Variants in NRG2 observed in about 807,000 individuals in gnomAD.
NRG2 encodes pro-neuregulin-2, membrane-bound isoform.
NRG2 carries 27 observed loss-of-function variants against 73.9 expected under a neutral mutation model. The observed-to-expected ratio is 0.37, with a 90% CI of 0.27 to 0.50. The LOEUF is 0.50. Among genes scored for constraint, NRG2 ranks in the 20% least tolerant of loss-of-function variants. The pLI, the probability that NRG2 is intolerant of heterozygous loss-of-function variation, is 0.96. For missense variants in NRG2, 1,126 were observed against 1,210.1 expected, an observed-to-expected ratio of 0.93 and a Z score of 1.03; for synonymous variants, 532 against 541.0, an observed-to-expected ratio of 0.98 and a Z score of 0.23.
chr5:139,992,147 T>A (rs1757683790), intron 1 of NRG2, among the ~76,000 whole-genome samples: 1 of 152,238 alleles, frequency 6.6e-6, no homozygotes, highest in Admixed American at 6.5e-5. Context: ...ATTTATTAAG[T>A]ACTCCCTTAA....
At chr5:139,914,184 G>C (rs1398567316) in intron 1 of NRG2, among the ~76,000 whole-genome samples, 3 of 152,120 alleles carry the variant, frequency 2.0e-5, no homozygotes, top group Admixed American at 6.5e-5. Flanking sequence ...AAATGACCTG[G>C]GGTGGTCTGT....
intron 6 of NRG2, 108 bp downstream of exon 6, chr5:139,855,568 G>T: frequency 2.2e-6 from 2 of 927,236 alleles, no homozygotes; most frequent in East Asian, 2.4e-5. Context: ...GGCCTAGGAG[G>T]GTATAGAGGG....
intron 4 of NRG2, 140 bp downstream of exon 4, chr5:139,871,581 T>C (rs1243871692): frequency 9.3e-7 from 1 of 1,076,596 alleles, no homozygotes; most frequent in Non-Finnish European, 1.3e-6. Flanking sequence ...GGCTAGGAAG[T>C]AGGGCAAAGC....
At chr5:139,950,571 G>T (rs1451928681) in intron 1 of NRG2, among the ~76,000 whole-genome samples, 1 of 152,180 alleles carries the variant, frequency 6.6e-6, no homozygotes, top group African/African-American at 2.4e-5. Context: ...GGTGGCTTTG[G>T]ACATCCCCAA....
intron 4 of NRG2, among the ~76,000 whole-genome samples, chr5:139,866,776 C>T (rs568094902): frequency 2.6e-5 from 4 of 152,340 alleles, no homozygotes; most frequent in African/African-American, 7.2e-5. Context: ...ACAGGGTACA[C>T]GTTCTTCTGC....
chr5:139,969,599 C>T (rs145668892), intron 1 of NRG2, among the ~76,000 whole-genome samples: 1 of 152,334 alleles, frequency 6.6e-6, no homozygotes, highest in Non-Finnish European at 1.5e-5. Flanking sequence ...GCCACACCAG[C>T]TTATCCCTGT....
At chr5:140,031,711 T>C (rs192114915) in intron 1 of NRG2, among the ~76,000 whole-genome samples, 168 of 152,184 alleles carry the variant, frequency 1.1e-3, no homozygotes, top group African/African-American at 3.9e-3. Context: ...GGGCAGTGCT[T>C]AAGAAATCTA....
At chr5:139,923,457 A>G (rs1751829363) in intron 1 of NRG2, among the ~76,000 whole-genome samples, 1 of 152,164 alleles carries the variant, frequency 6.6e-6, no homozygotes, top group Non-Finnish European at 1.5e-5. Context: ...GGACTTGCTA[A>G]GAAACCCTGG....
At chr5:139,866,764 CCACAGGGTA>C (rs1345742998) in intron 4 of NRG2, among the ~76,000 whole-genome samples, 3 of 152,194 alleles carry the variant, frequency 2.0e-5, no homozygotes, top group Non-Finnish European at 4.4e-5. Context: ...TTGTCTCTAC[CCACAGGGTA>C]CACGTTCTTC....
chr5:139,873,470 C>G (rs1762987647), intron 3 of NRG2, among the ~76,000 whole-genome samples: 1 of 152,266 alleles, frequency 6.6e-6, no homozygotes, highest in African/African-American at 2.4e-5. Context: ...TCATTTACAT[C>G]ACACAGGAGA....
At chr5:139,942,997 C>T (rs965179575) in intron 1 of NRG2, among the ~76,000 whole-genome samples, 4 of 152,264 alleles carry the variant, frequency 2.6e-5, no homozygotes, top group Non-Finnish European at 4.4e-5. Flanking sequence ...CATGTCACCA[C>T]GCCTGGCTAG....
intron 3 of NRG2, among the ~76,000 whole-genome samples, chr5:139,872,926 A>T (rs919988297): frequency 6.6e-6 from 1 of 151,882 alleles, no homozygotes; most frequent in Admixed American, 6.6e-5. Context: ...TCTCGTTCCC[A>T]CCCAGCCCAG....
At chr5:139,960,459 G>A (rs762767519) in intron 1 of NRG2, among the ~76,000 whole-genome samples, 14 of 152,212 alleles carry the variant, frequency 9.2e-5, no homozygotes, top group Non-Finnish European at 1.8e-4. Context: ...AGGCTGCAGT[G>A]AGCCAAGGTT....
In NRG2 at chr5:139,890,695, A is replaced by G. The variant is rs557580880; in HGVS notation, c.701-3184T>C. On this transcript the variant is annotated intron_variant, in intron 1 of 9. Coordinates refer to ENST00000361474, the MANE Select transcript of NRG2 (RefSeq NM_004883.3). ...ATCGGAATCACATGGGAAGCTTTAC[A>G]AGTCAGGTACCTGGGACATATCCTA... Among the ~76,000 whole-genome samples the G allele has an allele frequency of 2.6e-5, 4 of 151,972 alleles. No homozygotes were observed. The South Asian group carries it at 8.3e-4, about 32-fold the overall frequency.
intron 1 of NRG2, among the ~76,000 whole-genome samples, chr5:139,924,777 C>T (rs141743903): frequency 1.0e-3 from 152 of 152,304 alleles, no homozygotes; most frequent in African/African-American, 3.4e-3. Flanking sequence ...GGCACAGGCT[C>T]CCTCAGCCGC....
intron 3 of NRG2, among the ~76,000 whole-genome samples, chr5:139,872,109 G>T (rs913135335): frequency 1.3e-5 from 2 of 152,218 alleles, no homozygotes; most frequent in African/African-American, 4.8e-5. Context: ...TTTGTGGGGG[G>T]AGCAGGGTGA....
intron 1 of NRG2, among the ~76,000 whole-genome samples, chr5:139,930,857 T>A (rs564760480): frequency 2.0e-5 from 3 of 152,216 alleles, no homozygotes; most frequent in Non-Finnish European, 2.9e-5. Context: ...GCAGGGAACA[T>A]TGGGCCACCA....
At position 139,848,137 on chromosome 5, in the gene NRG2, T is replaced by TCCGACGCCGAGGCTGAGCCGCCGC. The variant is rs1287059505; in HGVS notation, c.2309_2332dup (p.Gly770_Ser777dup). On this transcript the variant is annotated inframe_insertion, in exon 10 of 10. Transcript: ENST00000361474. ...CCCGTCCGCGTCGTCCGCGTCGTCGTCCGACGCCGAGGCTGAGCCGCCGCC... is the reference window on the plus strand; with the variant it reads ...CCCGTCCGCGTCGTCCGCGTCGTCGTCCGACGCCGAGGCTGAGCCGCCGCCCGACGCCGAGGCTGAGCCGCCGCC... 2 of 1,467,230 alleles carry TCCGACGCCGAGGCTGAGCCGCCGC rather than the reference T, an allele frequency of 1.4e-6. No homozygotes were observed. Among genetic ancestry groups the TCCGACGCCGAGGCTGAGCCGCCGC allele is most frequent in the Non-Finnish European group, 1.8e-6 (2 of 1,116,724 alleles). The allele number at this position is 1,467,230 out of a possible 1,614,324, so 90.9% of individuals were successfully genotyped here.
chr5:139,941,325 T>C, intron 1 of NRG2, among the ~76,000 whole-genome samples: 1 of 152,106 alleles, frequency 6.6e-6, no homozygotes, highest in East Asian at 1.9e-4. Context: ...CATATAATCA[T>C]TGAATACTTT....
Sources: allele counts gnomAD v4.1 joint callset (sites outside exome capture counted in the v4.1 genomes callset), GRCh38; gene constraint gnomAD v4.1.1; transcripts MANE v1.5; gene names NCBI Gene and HGNC (gene_info 2026-07-23, HGNC 2026-07-21).